PCDHGB3: variants seen among roughly 807,000 people sequenced by gnomAD.
PCDHGB3 encodes the protein protocadherin gamma-B3.
PCDHGB3 carries 40 observed loss-of-function variants against 59.2 expected under a neutral mutation model. The ratio of observed to expected loss-of-function variants is 0.68; its 90% confidence interval spans 0.52 to 0.88. PCDHGB3 has a LOEUF of 0.88. PCDHGB3 is among the 40% of genes least tolerant of loss of function. PCDHGB3 has a pLI of 0.00. For missense variants in PCDHGB3, 1,309 were observed against 1,187.9 expected, an observed-to-expected ratio of 1.10 and a Z score of -1.50; for synonymous variants, 581 against 503.6, an observed-to-expected ratio of 1.15 and a Z score of -2.06.
chr5:141,464,483 C>G (rs192469583), intron 1 of PCDHGB3, among the ~76,000 whole-genome samples: 32 of 151,368 alleles, frequency 2.1e-4, no homozygotes, highest in African/African-American at 7.3e-4. Flanking sequence ...ATAATAAATT[C>G]CTAATAGTGT....
intron 1 of PCDHGB3, chr5:141,385,132 G>C (rs763210124): frequency 1.2e-6 from 2 of 1,614,094 alleles, no homozygotes; most frequent in African/African-American, 1.3e-5. Flanking sequence ...GGGCATGGAC[G>C]GGGTGCAGGC....
Position 141,425,635 on chromosome 5 carries a change from T to C in PCDHGB3, c.2415+52826T>C, listed in dbSNP as rs376675545. On this transcript the variant is annotated intron_variant, in intron 1 of 3. Coordinates refer to ENST00000576222, the MANE Select transcript of PCDHGB3 (RefSeq NM_018924.5). ...TCAGTGCTCCTCCAGTTTTCTCTGA[T>C]AAAACTAGGAGGAAAATTATCTGCA... Among the ~76,000 whole-genome samples, 51 of 152,354 alleles carry C rather than the reference T, an allele frequency of 3.3e-4. 1 individual carries two copies. The South Asian group carries it at 0.01, about 30-fold the overall frequency.
chr5:141,374,157 G>A (rs1394990278), intron 1 of PCDHGB3: 1 of 1,612,216 alleles, frequency 6.2e-7, no homozygotes, highest in African/African-American at 1.3e-5. Flanking sequence ...ACGCTGTGGG[G>A]GGCCGCGGCA....
chr5:141,404,047 A>G, intron 1 of PCDHGB3: 1 of 1,613,860 alleles, frequency 6.2e-7, no homozygotes, highest in Non-Finnish European at 8.5e-7. Context: ...AGGGAACAGT[A>G]ATTCTTCTTT....
chr5:141,447,048 A>T (rs149112101), intron 1 of PCDHGB3, among the ~76,000 whole-genome samples: 1 of 152,066 alleles, frequency 6.6e-6, no homozygotes, highest in Non-Finnish European at 1.5e-5. Flanking sequence ...CTGGAATTCT[A>T]TTAAAATGTG....
intron 2 of PCDHGB3, among the ~76,000 whole-genome samples, chr5:141,502,352 C>G (rs544911376): frequency 3.2e-4 from 49 of 151,888 alleles, no homozygotes; most frequent in African/African-American, 1.2e-3. Flanking sequence ...TTTTTAATGA[C>G]ATGGATATTT....
rs141095222 is a variant in PCDHGB3, at chr5:141,496,668, C to T, written c.2474+1803C>T. Reference sequence around the variant, plus strand: ...CCCTTCCTTTGACCCCAGCTGTTGTCCTTCTCCCTGCTGGCCTTGCCAACC... The same window carrying T: ...CCCTTCCTTTGACCCCAGCTGTTGTTCTTCTCCCTGCTGGCCTTGCCAACC... On this transcript the variant is annotated intron_variant, in intron 2 of 3. Coordinates refer to ENST00000576222, the MANE Select transcript of PCDHGB3 (RefSeq NM_018924.5). Among the ~76,000 whole-genome samples the T allele has an allele frequency of 1.3e-3, 204 of 152,328 alleles. 1 individual carries two copies. The highest frequency in any genetic ancestry group is 5.6e-3 in the Admixed American group (85 of 15,298).
intron 1 of PCDHGB3, chr5:141,409,186 T>C: frequency 6.2e-7 from 1 of 1,614,042 alleles, no homozygotes; most frequent in Non-Finnish European, 8.5e-7. Flanking sequence ...GTGGTCTCTC[T>C]ACCCAGTGTA....
chr5:141,423,730 A>G, intron 1 of PCDHGB3: 1 of 831,022 alleles, frequency 1.2e-6, no homozygotes. Flanking sequence ...ATGTTTTTTG[A>G]GCCTGTTATG....
rs1466755382 is a variant in PCDHGB3 at position 141,384,339 on chromosome 5, C to G, written c.2415+11530C>G. 19 of 1,613,782 alleles carry G rather than the reference C, an allele frequency of 1.2e-5. 1 individual carries two copies. Among genetic ancestry groups the G allele is most frequent in the Non-Finnish European group, 1.6e-5 (19 of 1,179,910 alleles). ...TCTTAGTGACTGCACAGGACCACGA[C>G]AGTGAGGATAATGCCCAGATCACTT... On this transcript the variant is annotated intron_variant, in intron 1 of 3. Coordinates refer to ENST00000576222, the MANE Select transcript of PCDHGB3 (RefSeq NM_018924.5).
At position 141,431,595 on chromosome 5, in the gene PCDHGB3, A is replaced by G; in HGVS notation, c.2415+58786A>G. The G allele has an allele frequency of 6.2e-7, 1 of 1,614,218 alleles. No homozygotes were observed. The highest frequency in any genetic ancestry group is 8.5e-7 in the Non-Finnish European group (1 of 1,180,034). On this transcript the variant is annotated intron_variant, in intron 1 of 3. Transcript: ENST00000576222. The surrounding 1 kb of genome is among the most constrained non-coding windows in gnomAD (Gnocchi z 4.8). Reference sequence around the variant, plus strand: ...GAAGGAGTCAATGCGGAAGTGAGGTATTCCTTCCGGTATGTGGACGACAAG... The same window carrying G: ...GAAGGAGTCAATGCGGAAGTGAGGTGTTCCTTCCGGTATGTGGACGACAAG...
chr5:141,417,634 G>A, intron 1 of PCDHGB3: 1 of 721,778 alleles, frequency 1.4e-6, no homozygotes, highest in Non-Finnish European at 2.1e-6. Context: ...GCTGACGCCG[G>A]GGATCCCTCA....
At chr5:141,379,087 A>G (rs1464802506) in intron 1 of PCDHGB3, 1 of 152,222 alleles carries the variant, frequency 6.6e-6, no homozygotes, top group Non-Finnish European at 1.5e-5. Flanking sequence ...TTTGTTATGA[A>G]TGTGTAAGAA....
At chr5:141,419,808 G>A in intron 1 of PCDHGB3, 2 of 1,614,066 alleles carry the variant, frequency 1.2e-6, no homozygotes, top group Non-Finnish European at 8.5e-7. Flanking sequence ...AGAGATGGAG[G>A]ACAGCCACCC....
intron 1 of PCDHGB3, chr5:141,374,688 G>T (rs750510871): frequency 1.2e-6 from 2 of 1,609,528 alleles, no homozygotes; most frequent in South Asian, 2.2e-5. Context: ...ACACTGGACC[G>T]GGAAGGAGAA....
At position 141,432,349 on chromosome 5, in the gene PCDHGB3, G is replaced by T; in HGVS notation, c.2415+59540G>T. On this transcript the variant is annotated intron_variant, in intron 1 of 3. Transcript: ENST00000576222. This position sits in a 1 kb window ranked among gnomAD's most constrained non-coding sequence, Gnocchi z 6.0. Reference sequence around the variant, plus strand: ...ACGAGCAGTTCCGAGACTTGCAAGTGAAAGTGATGGCGCGGGACAACGGGC... The same window carrying T: ...ACGAGCAGTTCCGAGACTTGCAAGTTAAAGTGATGGCGCGGGACAACGGGC... 4 of 1,614,240 alleles carry T rather than the reference G, an allele frequency of 2.5e-6. No homozygotes were observed. Among genetic ancestry groups the T allele is most frequent in the Non-Finnish European group, 1.7e-6 (2 of 1,180,046 alleles).
intron 1 of PCDHGB3, chr5:141,419,070 T>G: frequency 6.2e-7 from 1 of 1,613,926 alleles, no homozygotes; most frequent in Non-Finnish European, 8.5e-7. Context: ...TACTACAAGC[T>G]AGTAACAGAT....
At chr5:141,392,847 G>A (rs759327251) in intron 1 of PCDHGB3, 2 of 1,610,450 alleles carry the variant, frequency 1.2e-6, no homozygotes, top group Non-Finnish European at 1.7e-6. Context: ...CAGACGCGGC[G>A]AGCTGATCCT....
chr5:141,508,731 A>C (rs1596169554), intron 3 of PCDHGB3, among the ~76,000 whole-genome samples: 6 of 145,538 alleles, frequency 4.1e-5, no homozygotes, highest in African/African-American at 5.1e-5. Context: ...GGGAGACTAC[A>C]CCCCCCACCC....
Sources: allele counts gnomAD v4.1 joint callset (sites outside exome capture counted in the v4.1 genomes callset), GRCh38; gene constraint gnomAD v4.1.1; non-coding constraint Gnocchi (gnomAD v3.1); transcripts MANE v1.5; gene names NCBI Gene and HGNC (gene_info 2026-07-23, HGNC 2026-07-21).